Variants in TIAM1 observed in about 807,000 individuals in gnomAD.
The protein encoded by TIAM1 is TIAM Rac1 associated GEF 1, also known as rho guanine nucleotide exchange factor TIAM1.
TIAM1 carries 65 observed loss-of-function variants against 163.5 expected under a neutral mutation model. The observed-to-expected ratio is 0.40, with a 90% CI of 0.33 to 0.49. The LOEUF is 0.49. Among genes scored for constraint, TIAM1 ranks in the 20% least tolerant of loss-of-function variants. The pLI is 0.77. For missense variants in TIAM1, 1,789 were observed against 2,044.7 expected (o/e 0.87, Z 2.41); for synonymous variants, 833 against 810.1 (o/e 1.03, Z -0.48).
chr21:31,227,402 A>G (rs2088051995), intron 6 of TIAM1, among the ~76,000 whole-genome samples: 3 of 152,222 alleles, frequency 2.0e-5, no homozygotes, highest in Admixed American at 2.0e-4. Flanking sequence ...AACAGCATCA[A>G]ATATTAAAAA....
At chr21:31,430,237 T>TACACACAC (rs1569324350) in intron 2 of TIAM1, among the ~76,000 whole-genome samples, 6 of 131,690 alleles carry the variant, frequency 4.6e-5, no homozygotes, top group Admixed American at 3.1e-4. Flanking sequence ...TATATATATA[T>TACACACAC]ATATATATAT....
At chr21:31,501,375 G>T (rs1233544361) in intron 1 of TIAM1, among the ~76,000 whole-genome samples, 4 of 152,120 alleles carry the variant, frequency 2.6e-5, no homozygotes, top group African/African-American at 9.7e-5. Context: ...AATCAGGATG[G>T]AAAGAAGAGA....
chr21:31,402,145 G>A (rs570630877), intron 2 of TIAM1, among the ~76,000 whole-genome samples: 68 of 151,946 alleles, frequency 4.5e-4, no homozygotes, highest in South Asian at 1.0e-3. Flanking sequence ...CCCAGGAGGC[G>A]GAGATTGCAG....
intron 2 of TIAM1, among the ~76,000 whole-genome samples, chr21:31,457,471 A>G (rs1023660423): frequency 2.1e-4 from 32 of 152,210 alleles, no homozygotes; most frequent in African/African-American, 6.0e-4. Flanking sequence ...TTTAACCATC[A>G]AACACACTTC....
chr21:31,552,048 CTTTTTTTTTTTTTTT>C (rs200300720), intron 1 of TIAM1, among the ~76,000 whole-genome samples: 1 of 80,114 alleles, frequency 1.2e-5, no homozygotes, highest in Admixed American at 1.6e-4. Context: ...CTCTGCACTA[CTTTTTTTTTTTTTTT>C]TTTTTTTTTT....
intron 1 of TIAM1, among the ~76,000 whole-genome samples, chr21:31,480,268 G>C (rs2046069190): frequency 6.6e-6 from 1 of 152,170 alleles, no homozygotes; most frequent in East Asian, 1.9e-4. Flanking sequence ...CATTAAATCA[G>C]TTAACCTACT....
At position 31,222,288 on chromosome 21, in the gene TIAM1, T is replaced by TG. The variant is rs552418315; in HGVS notation, c.1995+1117dup. On this transcript the variant is annotated intron_variant, in intron 8 of 27. Transcript: ENST00000541036. ...TTAACATTTAATTCTCTAGCAAATG[T>TG]GCTAAGGTGCAGTACATTCTAAGTG... Among the ~76,000 whole-genome samples the TG allele has an allele frequency of 2.0e-4, 30 of 152,282 alleles. No homozygotes were observed. The South Asian group carries it at 3.9e-3, about 20-fold the overall frequency.
At chr21:31,490,990 T>C (rs1000814920) in intron 1 of TIAM1, among the ~76,000 whole-genome samples, 1 of 152,156 alleles carries the variant, frequency 6.6e-6, no homozygotes, top group Non-Finnish European at 1.5e-5. Context: ...CCGGGCGTGG[T>C]GGTGCGTGCC....
chr21:31,313,040 C>G (rs1043694896), intron 2 of TIAM1, among the ~76,000 whole-genome samples: 2 of 152,246 alleles, frequency 1.3e-5, no homozygotes, highest in Non-Finnish European at 1.5e-5. Context: ...CTGCCTGGTG[C>G]AAAAAGAATG....
In TIAM1 at chr21:31,516,078, G is replaced by A. The variant is rs374771605; in HGVS notation, c.-422+42849C>T. The stretch of plus-strand genomic sequence containing the variant: ...AGCCAAGAAGGCGTCACCACACTCC[G>A]GCATGGGAGATACAGCGAGACTCCA... On this transcript the variant is annotated intron_variant, in intron 1 of 28. Transcript: ENST00000286827. 7.2e-5 allele frequency among the ~76,000 whole-genome samples: 10 copies of A among 139,064 alleles called. No individual in the cohort carries two copies. The South Asian group carries it at 9.2e-4, about 13-fold the overall frequency. 91.2% of individuals were successfully genotyped at this position (139,064 alleles called of 152,430 possible).
intron 3 of TIAM1, among the ~76,000 whole-genome samples, chr21:31,270,791 T>C (rs1409104615): frequency 6.6e-6 from 1 of 152,134 alleles, no homozygotes; most frequent in Non-Finnish European, 1.5e-5. Context: ...AAGACAATTC[T>C]TCTTCTTCCA....
rs1051293638 is a variant in TIAM1 at position 31,295,225 on chromosome 21, C to G, written c.-188-18317G>C. Among the ~76,000 whole-genome samples the G allele has an allele frequency of 2.6e-5, 4 of 152,144 alleles. No homozygotes were observed. In the East Asian group the frequency reaches 7.8e-4, roughly 30 times the overall value. ...GTGGCTTACGCCTGCAATCCCAGCA[C>G]TTTGGGAGGCCAAGGCGGGCGGATC... is the stretch of plus-strand genomic sequence containing the variant. On this transcript the variant is annotated intron_variant, in intron 2 of 27. Coordinates refer to ENST00000541036, the MANE Select transcript of TIAM1 (RefSeq NM_001353694.2).
intron 25 of TIAM1, among the ~76,000 whole-genome samples, chr21:31,128,458 A>T (rs886758013): frequency 3.9e-5 from 6 of 152,194 alleles, no homozygotes; most frequent in Admixed American, 3.9e-4. Context: ...TCCTCAACGC[A>T]GGCGAAATTC....
At chr21:31,428,181 G>A (rs1413156617) in intron 2 of TIAM1, among the ~76,000 whole-genome samples, 1 of 151,224 alleles carries the variant, frequency 6.6e-6, no homozygotes, top group Non-Finnish European at 1.5e-5. Context: ...CTTGAACCCA[G>A]GAGGCAGAGG....
rs565967198 is a variant in TIAM1, at chr21:31,119,129, A to G, written c.*1239T>C. 4 of 153,232 alleles carry G rather than the reference A, an allele frequency of 2.6e-5. No individual in the cohort carries two copies. In the East Asian group the frequency reaches 7.7e-4, roughly 30 times the overall value. The allele number at this position is 153,232 out of a possible 1,614,324, so 9.5% of individuals were successfully genotyped here. On this transcript the variant is annotated 3_prime_UTR_variant, in exon 28 of 28. Transcript: ENST00000541036. ...TTTTAAAAAAAAAAAAAAAATTGAA[A>G]GTGCTATAACTTGTTTTTCTTCTTA...
intron 2 of TIAM1, among the ~76,000 whole-genome samples, chr21:31,456,342 C>T (rs2045100048): frequency 6.6e-6 from 1 of 152,198 alleles, no homozygotes; most frequent in South Asian, 2.1e-4. Flanking sequence ...GAGGGTCATA[C>T]CTGGCGGAAC....
At chr21:31,142,503 C>T (rs1434684034) in intron 20 of TIAM1, among the ~76,000 whole-genome samples, 4 of 143,392 alleles carry the variant, frequency 2.8e-5, no homozygotes, top group Non-Finnish European at 4.5e-5. Context: ...TGGTGGCAGG[C>T]GCCCATAATC....
chr21:31,354,100 A>T (rs1239967864), intron 2 of TIAM1, among the ~76,000 whole-genome samples: 1 of 151,814 alleles, frequency 6.6e-6, no homozygotes, highest in Non-Finnish European at 1.5e-5. Context: ...GGCCTCCCAA[A>T]GTGCTGGATT....
intron 1 of TIAM1, among the ~76,000 whole-genome samples, chr21:31,501,032 C>T (rs1197751506): frequency 2.0e-5 from 3 of 152,318 alleles, no homozygotes; most frequent in Non-Finnish European, 4.4e-5. Context: ...TTTGCTAACA[C>T]GCCCTGGCAG....
Sources: gnomAD v4.1 joint callset for allele counts (sites outside exome capture counted in the v4.1 genomes callset) on GRCh38, gnomAD v4.1.1 for gene constraint, MANE v1.5 for transcripts, NCBI Gene and HGNC (gene_info 2026-07-23, HGNC 2026-07-21) for gene names.